The following MAF variants were observed in gnomAD, a reference collection of about 807,000 sequenced individuals.
MAF encodes the protein transcription factor Maf.
Under a neutral mutation model 22.0 loss-of-function variants are expected in MAF, and 10 were observed. That is an observed-to-expected ratio of 0.45 (90% CI 0.28 to 0.77). The LOEUF (loss-of-function observed/expected upper bound fraction) is 0.77. Among genes scored for constraint, MAF ranks in the 30% least tolerant of loss-of-function variants. The pLI, the probability that MAF is intolerant of heterozygous loss-of-function variation, is 0.12. For synonymous variants in MAF, 337 were observed against 255.8 expected, an observed-to-expected ratio of 1.32 and a Z score of -3.03; for missense variants, 544 against 548.4, an observed-to-expected ratio of 0.99 and a Z score of 0.08.
At chr16:79,577,769 A>G in the MAF span, among the ~76,000 whole-genome samples, 1 of 152,240 alleles carries the variant, frequency 6.6e-6, no homozygotes, top group Non-Finnish European at 1.5e-5. Flanking sequence ...ATGAAAGTCT[A>G]TCTATAGTAA....
chr16:79,357,044 G>T, the MAF span, among the ~76,000 whole-genome samples: 1 of 152,078 alleles, frequency 6.6e-6, no homozygotes, highest in South Asian at 2.1e-4. Flanking sequence ...ATCATCTGAG[G>T]TCAGGAGTTT....
At chr16:79,280,972 G>GTC in the MAF span, among the ~76,000 whole-genome samples, 1 of 152,270 alleles carries the variant, frequency 6.6e-6, no homozygotes, top group South Asian at 2.1e-4. Context: ...AGAAAGGAGT[G>GTC]TCTCCCAGAT....
the MAF span, among the ~76,000 whole-genome samples, chr16:79,459,534 A>G: frequency 4.0e-4 from 60 of 151,876 alleles, no homozygotes; most frequent in African/African-American, 1.4e-3. Flanking sequence ...AGGAAAAGTC[A>G]CTTCCCATTG....
chr16:79,564,418 G>T, the MAF span, among the ~76,000 whole-genome samples: 12 of 152,184 alleles, frequency 7.9e-5, no homozygotes, highest in African/African-American at 2.4e-4. Context: ...GTCAACTGGG[G>T]ACCCAGAGAT....
At chr16:79,427,697 C>G in the MAF span, among the ~76,000 whole-genome samples, 6 of 152,118 alleles carry the variant, frequency 3.9e-5, no homozygotes, top group East Asian at 1.2e-3. Context: ...GCCTGGAAAG[C>G]CGTTCCTGAT....
the MAF span, among the ~76,000 whole-genome samples, chr16:79,251,766 G>T: frequency 2.0e-5 from 3 of 152,192 alleles, no homozygotes; most frequent in African/African-American, 7.2e-5. Flanking sequence ...GCCTGGGCTG[G>T]GTCTTCCCCT....
chr16:79,531,166 A>G, the MAF span, among the ~76,000 whole-genome samples: 1 of 152,240 alleles, frequency 6.6e-6, no homozygotes, highest in African/African-American at 2.4e-5. Flanking sequence ...TAGAGCTTGT[A>G]TAAGCATACC....
At chr16:79,327,198 G>C in the MAF span, among the ~76,000 whole-genome samples, 3 of 152,174 alleles carry the variant, frequency 2.0e-5, no homozygotes, top group Non-Finnish European at 4.4e-5. Context: ...CTTGGGGCAG[G>C]GGCTTTAGGG....
chr16:79,361,428 G>A, the MAF span, among the ~76,000 whole-genome samples: 367 of 152,306 alleles, frequency 2.4e-3, 3 homozygotes, highest in African/African-American at 8.5e-3. Flanking sequence ...GGGGCCTAAG[G>A]AGGCTGAGGC....
the MAF span, among the ~76,000 whole-genome samples, chr16:79,287,099 C>T: frequency 6.6e-6 from 1 of 150,988 alleles, no homozygotes; most frequent in South Asian, 2.1e-4. Flanking sequence ...CTTTGTTGTC[C>T]TCCACGTACT....
chr16:79,590,967 C>T (rs370331265), downstream of MAF, among the ~76,000 whole-genome samples: 26 of 152,176 alleles, frequency 1.7e-4, no homozygotes, highest in East Asian at 3.3e-3. Flanking sequence ...TATAGAGAAC[C>T]AGGGCAACTA....
the MAF span, among the ~76,000 whole-genome samples, chr16:79,280,941 T>C: frequency 2.6e-5 from 4 of 152,138 alleles, no homozygotes; most frequent in Non-Finnish European, 5.9e-5. Flanking sequence ...AGCAGTCTAG[T>C]GATTGCCACC....
the MAF span, among the ~76,000 whole-genome samples, chr16:79,402,766 A>G: frequency 6.6e-6 from 1 of 152,168 alleles, no homozygotes; most frequent in Non-Finnish European, 1.5e-5. Flanking sequence ...ATGACGCTGG[A>G]TTAGGACACT....
the MAF span, among the ~76,000 whole-genome samples, chr16:79,270,824 C>T: frequency 6.6e-6 from 1 of 151,986 alleles, no homozygotes; most frequent in Non-Finnish European, 1.5e-5. Flanking sequence ...TGACCACAAC[C>T]CTATACACAG....
At chr16:79,296,367 C>A in the MAF span, among the ~76,000 whole-genome samples, 3 of 151,988 alleles carry the variant, frequency 2.0e-5, no homozygotes, top group Admixed American at 2.0e-4. Flanking sequence ...TGGGGCCTGT[C>A]GGGGGGCAGG....
chr16:79,525,586 G>A, the MAF span, among the ~76,000 whole-genome samples: 1 of 152,142 alleles, frequency 6.6e-6, no homozygotes, highest in African/African-American at 2.4e-5. Flanking sequence ...CCTTCAAGTG[G>A]AAAAATTAAT....
the MAF span, among the ~76,000 whole-genome samples, chr16:79,530,605 A>G: frequency 8.5e-5 from 13 of 152,356 alleles, no homozygotes; most frequent in African/African-American, 3.1e-4. Context: ...GCCTCAAAAC[A>G]AAGATACAAC....
the MAF span, among the ~76,000 whole-genome samples, chr16:79,306,755 G>A: frequency 6.6e-6 from 1 of 152,256 alleles, no homozygotes; most frequent in Non-Finnish European, 1.5e-5. Context: ...CTCATAGACA[G>A]CTTCACTCTT....
intron 1 of MAF, chr16:79,595,311 A>T: frequency 5.7e-6 from 6 of 1,049,166 alleles, no homozygotes; most frequent in Non-Finnish European, 5.8e-6. Context: ...TTTTGTAAAA[A>T]ATAGGCAGGA....
Sources: allele counts gnomAD v4.1 joint callset (sites outside exome capture counted in the v4.1 genomes callset), GRCh38; gene constraint gnomAD v4.1.1; transcripts MANE v1.5; gene names NCBI Gene and HGNC (gene_info 2026-07-23, HGNC 2026-07-21).